Variants in CLSTN2 observed in about 807,000 individuals in gnomAD.
The protein encoded by CLSTN2 is calsyntenin 2.
Under a neutral mutation model 101.2 loss-of-function variants are expected in CLSTN2, and 48 were observed. That is an observed-to-expected ratio of 0.47 (90% CI 0.38 to 0.60). The LOEUF is 0.60. Among genes scored for constraint, CLSTN2 ranks in the 20% least tolerant of loss-of-function variants. The pLI is 0.00. For synonymous variants in CLSTN2, 481 were observed against 463.6 expected (o/e 1.04, Z -0.48); for missense variants, 1,160 against 1,238.2 (o/e 0.94, Z 0.95).
chr3:140,276,106 A>G (rs2086792188), intron 2 of CLSTN2, among the ~76,000 whole-genome samples: 3 of 152,112 alleles, frequency 2.0e-5, no homozygotes, highest in African/African-American at 7.2e-5. Flanking sequence ...TGGCCTTTCA[A>G]TTTCCACCCA....
At chr3:140,181,186 T>G (rs935771076) in intron 2 of CLSTN2, among the ~76,000 whole-genome samples, 14 of 152,198 alleles carry the variant, frequency 9.2e-5, no homozygotes, top group African/African-American at 3.4e-4. Flanking sequence ...TTCCTTATAT[T>G]TAAAATGGGG....
intron 2 of CLSTN2, among the ~76,000 whole-genome samples, chr3:140,278,250 G>A (rs1369802277): frequency 6.6e-6 from 1 of 152,174 alleles, no homozygotes; most frequent in Non-Finnish European, 1.5e-5. Context: ...GAACCAGCTG[G>A]TCCTCAGGGT....
intron 8 of CLSTN2, among the ~76,000 whole-genome samples, chr3:140,483,946 C>G (rs1186628135): frequency 6.6e-6 from 1 of 152,078 alleles, no homozygotes; most frequent in East Asian, 1.9e-4. Context: ...TTAATTGGAG[C>G]ATTTAGCCCA....
intron 8 of CLSTN2, among the ~76,000 whole-genome samples, chr3:140,492,287 G>T (rs1449450224): frequency 1.3e-5 from 2 of 152,160 alleles, no homozygotes; most frequent in Non-Finnish European, 2.9e-5. Flanking sequence ...GCTAAAGCGG[G>T]CCCAGTAGTT....
chr3:140,479,530 C>T (rs1314110833), intron 8 of CLSTN2, among the ~76,000 whole-genome samples: 1 of 152,168 alleles, frequency 6.6e-6, no homozygotes, highest in African/African-American at 2.4e-5. Context: ...CCTGATAGAA[C>T]ACAAATGTTG....
chr3:140,301,710 G>T (rs963598416), intron 2 of CLSTN2, among the ~76,000 whole-genome samples: 1 of 152,216 alleles, frequency 6.6e-6, no homozygotes, highest in African/African-American at 2.4e-5. Flanking sequence ...AGGACTTACA[G>T]TTGGCTAACT....
chr3:140,367,664 A>G (rs1302909528), intron 2 of CLSTN2, among the ~76,000 whole-genome samples: 1 of 152,154 alleles, frequency 6.6e-6, no homozygotes, highest in African/African-American at 2.4e-5. Flanking sequence ...TCTATTTTGA[A>G]CTGTGAGGGT....
At chr3:139,998,371 C>CTTTGT (rs1233784704) in intron 1 of CLSTN2, among the ~76,000 whole-genome samples, 14 of 37,540 alleles carry the variant, frequency 3.7e-4, no homozygotes, top group Non-Finnish European at 5.9e-4. Flanking sequence ...CGGAGTCTCT[C>CTTTGT]TTTGTCGCCC....
intron 2 of CLSTN2, among the ~76,000 whole-genome samples, chr3:140,256,849 T>G: frequency 6.6e-6 from 1 of 152,224 alleles, no homozygotes. Context: ...TGGTTTTTGT[T>G]TTTTAAATTT....
At chr3:140,554,235 A>C (rs1460183090) in intron 10 of CLSTN2, among the ~76,000 whole-genome samples, 2 of 152,194 alleles carry the variant, frequency 1.3e-5, no homozygotes, top group Non-Finnish European at 2.9e-5. Context: ...AGATTGAGCT[A>C]TCAGTTGGCT....
At chr3:140,252,280 C>T (rs1459992883) in intron 2 of CLSTN2, among the ~76,000 whole-genome samples, 1 of 152,170 alleles carries the variant, frequency 6.6e-6, no homozygotes, top group Admixed American at 6.5e-5. Flanking sequence ...CACAGTGAAA[C>T]TCAAGGCTTA....
At chr3:140,105,490 C>T (rs2009041330) in intron 1 of CLSTN2, among the ~76,000 whole-genome samples, 1 of 152,312 alleles carries the variant, frequency 6.6e-6, no homozygotes, top group East Asian at 1.9e-4. Context: ...AGTATCTTCT[C>T]CCCTCCTCAG....
At chr3:139,993,044 G>T (rs542693671) in intron 1 of CLSTN2, among the ~76,000 whole-genome samples, 1 of 152,220 alleles carries the variant, frequency 6.6e-6, no homozygotes, top group South Asian at 2.1e-4. Context: ...GAGGAAAGAG[G>T]GCTGATTGGT....
intron 2 of CLSTN2, among the ~76,000 whole-genome samples, chr3:140,375,334 G>A (rs1479854): frequency 0.95 from 145,371 of 152,270 alleles, 69,748 homozygotes; most frequent in East Asian, 1. Flanking sequence ...CTCCACTCAG[G>A]GGATGTTTGC....
chr3:140,001,081 T>A (rs2006825583), intron 1 of CLSTN2, among the ~76,000 whole-genome samples: 1 of 152,208 alleles, frequency 6.6e-6, no homozygotes, highest in Admixed American at 6.5e-5. Flanking sequence ...ATATTGTACA[T>A]GCGGAAATTG....
At chr3:140,471,013 T>C (rs1023823987) in intron 8 of CLSTN2, among the ~76,000 whole-genome samples, 4 of 152,220 alleles carry the variant, frequency 2.6e-5, no homozygotes, top group African/African-American at 7.2e-5. Flanking sequence ...CCAAGGTGGA[T>C]GGACAGCCAG....
In CLSTN2 at chr3:140,459,553, T is replaced by A. The variant is rs1282684376; in HGVS notation, c.1006T>A (p.Ser336Thr). 1 of 1,613,904 alleles carries A rather than the reference T, an allele frequency of 6.2e-7. No homozygotes were observed. Among genetic ancestry groups the A allele is most frequent in the Non-Finnish European group, 8.5e-7 (1 of 1,179,958 alleles). Residue 336 changes from serine to threonine, a missense_variant, in exon 7 of 17, where the codon TCC becomes ACC. Physicochemically the swap from Ser to Thr is moderately conservative, Grantham distance 58. Coordinates refer to ENST00000458420, the MANE Select transcript of CLSTN2 (RefSeq NM_022131.3). ...ASSGIIDLLP[S>T]PSAATNWTAG... Reference sequence around the variant, plus strand: ...CTCTGGCATCATTGACCTCTTGCCATCCCCTAGCGCTGCCACCAACTGGAC... The same window carrying A: ...CTCTGGCATCATTGACCTCTTGCCAACCCCTAGCGCTGCCACCAACTGGAC...
chr3:140,456,177 T>G lies in CLSTN2; in HGVS notation c.974-3344T>G, dbSNP rs561382349. Among the ~76,000 whole-genome samples the G allele has an allele frequency of 8.5e-5, 13 of 152,266 alleles. No homozygotes were observed. In the South Asian group the frequency reaches 2.5e-3, roughly 29 times the overall value. On this transcript the variant is annotated intron_variant, in intron 6 of 16. Coordinates refer to ENST00000458420, the MANE Select transcript of CLSTN2 (RefSeq NM_022131.3). ...ACTGTGTGCTTTTGGTCCAGTCGTTTCCCCTCTCTGGGCCTCAGTTTCTAT... is the reference window on the plus strand; with the variant it reads ...ACTGTGTGCTTTTGGTCCAGTCGTTGCCCCTCTCTGGGCCTCAGTTTCTAT...
chr3:139,938,698 A>C (rs1416592841), intron 1 of CLSTN2, among the ~76,000 whole-genome samples: 4 of 152,230 alleles, frequency 2.6e-5, no homozygotes, highest in Non-Finnish European at 5.9e-5. Context: ...TGCAATCTAG[A>C]CAACACCTCA....
Sources: gnomAD v4.1 joint callset for allele counts (sites outside exome capture counted in the v4.1 genomes callset) on GRCh38, gnomAD v4.1.1 for gene constraint, MANE v1.5 for transcripts, NCBI Gene and HGNC (gene_info 2026-07-23, HGNC 2026-07-21) for gene names.